Variants in PRMT3 observed in about 807,000 individuals in gnomAD.
PRMT3 encodes protein arginine N-methyltransferase 3.
In PRMT3, 62 loss-of-function variants were observed where a neutral mutation model predicts 71.9. The observed-to-expected ratio is 0.86, with a 90% CI of 0.70 to 1.07. The LOEUF is 1.07. Ranked by LOEUF, PRMT3 falls within the 50% of genes least tolerant of loss-of-function variation. PRMT3 has a pLI of 0.00. For missense variants in PRMT3, 663 were observed against 643.0 expected (o/e 1.03, Z -0.34); for synonymous variants, 213 against 220.4 (o/e 0.97, Z 0.30).
chr11:20,433,707 A>C (rs1306052766), intron 10 of PRMT3, among the ~76,000 whole-genome samples: 2 of 151,330 alleles, frequency 1.3e-5, no homozygotes, highest in African/African-American at 4.9e-5. Flanking sequence ...TGCAACCTCC[A>C]CCCCCCAGGT....
chr11:20,496,110 T>C (rs1370638139), intron 15 of PRMT3, among the ~76,000 whole-genome samples: 4 of 152,166 alleles, frequency 2.6e-5, no homozygotes, highest in Non-Finnish European at 5.9e-5. Context: ...CCACAACATA[T>C]GTAAAAATCT....
intron 7 of PRMT3, among the ~76,000 whole-genome samples, chr11:20,398,602 G>T (rs187196546): frequency 2.6e-5 from 4 of 152,134 alleles, no homozygotes; most frequent in Admixed American, 6.5e-5. Context: ...ACAGGTGCCC[G>T]CCACGGCGCC....
chr11:20,452,073 C>A, intron 10 of PRMT3, 57 bp from the exon 11 acceptor site: 1 of 1,230,684 alleles, frequency 8.1e-7, no homozygotes, highest in Non-Finnish European at 1.2e-6. Context: ...TTAAATTGAC[C>A]TGCTTATGAG....
chr11:20,472,284 C>G (rs908112147), intron 13 of PRMT3, among the ~76,000 whole-genome samples: 2 of 152,188 alleles, frequency 1.3e-5, no homozygotes, highest in Non-Finnish European at 2.9e-5. Context: ...TGCCTGTTTT[C>G]AAGGGGAATG....
At position 20,395,736 on chromosome 11, in the gene PRMT3, C is replaced by T; in HGVS notation, c.401-67C>T. 4.8e-6 allele frequency: 7 copies of T among 1,466,890 alleles called. No homozygotes were observed. The South Asian group carries it at 9.0e-5, about 19-fold the overall frequency. 90.9% of individuals were successfully genotyped at this position (1,466,890 alleles called of 1,614,324 possible). A position where few individuals can be genotyped will look rare whatever the true frequency, so the allele number is the denominator to read the frequency against. ...GTAGAAACTTAGGGCGTATTTATTCCTAACATATTTATACTTGTTTTATTG... is the reference window on the plus strand; with the variant it reads ...GTAGAAACTTAGGGCGTATTTATTCTTAACATATTTATACTTGTTTTATTG... On this transcript the variant is annotated intron_variant, in intron 5 of 15. Coordinates refer to ENST00000331079, the MANE Select transcript of PRMT3 (RefSeq NM_005788.4).
chr11:20,418,374 G>A (rs1327954173), intron 9 of PRMT3, among the ~76,000 whole-genome samples: 1 of 152,136 alleles, frequency 6.6e-6, no homozygotes, highest in Non-Finnish European at 1.5e-5. Flanking sequence ...ACAGTCTCAT[G>A]AAAGAGGTTT....
At chr11:20,476,705 TTTTA>T (rs1258711850) in intron 13 of PRMT3, among the ~76,000 whole-genome samples, 1 of 152,170 alleles carries the variant, frequency 6.6e-6, no homozygotes, top group African/African-American at 2.4e-5. Flanking sequence ...CAATAAATAT[TTTTA>T]TTTCAGATAT....
intron 5 of PRMT3, chr11:20,393,826 A>G (rs1387568974): frequency 6.6e-6 from 1 of 152,248 alleles, no homozygotes; most frequent in Admixed American, 6.5e-5. Context: ...AACAGTTTGA[A>G]GAATTTTGAA....
In PRMT3 at chr11:20,388,012, G is replaced by A. The variant is rs1848634483; in HGVS notation, c.29-7G>A. ...AGGCCGATCTGATTGTTGTGTGTGT[G>A]TGTTAGGCGGCCGGGGCGCTGTGGA... On this transcript the variant is annotated splice_polypyrimidine_tract_variant and splice_region_variant and intron_variant, in intron 1 of 15. Transcript: ENST00000331079. 1 of 1,613,860 alleles carries A rather than the reference G, an allele frequency of 6.2e-7. No homozygotes were observed. Among genetic ancestry groups the A allele is most frequent in the East Asian group, 2.2e-5 (1 of 44,860 alleles).
At chr11:20,433,234 G>A (rs1849691725) in intron 10 of PRMT3, among the ~76,000 whole-genome samples, 1 of 151,962 alleles carries the variant, frequency 6.6e-6, no homozygotes, top group Non-Finnish European at 1.5e-5. Context: ...AGGCCCCAGT[G>A]TCTGTTGTTC....
At chr11:20,471,772 A>G (rs1850651134) in intron 13 of PRMT3, among the ~76,000 whole-genome samples, 1 of 152,186 alleles carries the variant, frequency 6.6e-6, no homozygotes, top group South Asian at 2.1e-4. Context: ...ATAGCATTGA[A>G]TCTATACATT....
At chr11:20,416,264 A>G (rs77344984) in intron 9 of PRMT3, among the ~76,000 whole-genome samples, 1 of 152,000 alleles carries the variant, frequency 6.6e-6, no homozygotes. Flanking sequence ...GGGTGGGGGG[A>G]AGATATGTTT....
intron 4 of PRMT3, 81 bp downstream of exon 4, chr11:20,392,341 AAG>A: frequency 7.2e-7 from 1 of 1,385,758 alleles, no homozygotes; most frequent in Non-Finnish European, 9.7e-7. Flanking sequence ...GATTATTTAA[AAG>A]AATATGAGGA....
At chr11:20,392,873 A>G in intron 4 of PRMT3, 24 bp from the exon 5 acceptor site, 1 of 1,415,288 alleles carries the variant, frequency 7.1e-7, no homozygotes, top group Non-Finnish European at 9.9e-7. Context: ...AATGAAAAAA[A>G]CATGAGATTA....
At chr11:20,444,149 A>G (rs1356405781) in intron 10 of PRMT3, among the ~76,000 whole-genome samples, 1 of 152,182 alleles carries the variant, frequency 6.6e-6, no homozygotes, top group Non-Finnish European at 1.5e-5. Flanking sequence ...TGATATACAG[A>G]TATTATAAAT....
At chr11:20,440,803 A>G (rs902696308) in intron 10 of PRMT3, among the ~76,000 whole-genome samples, 1 of 152,164 alleles carries the variant, frequency 6.6e-6, no homozygotes, top group Non-Finnish European at 1.5e-5. Context: ...AGTTCTTTTT[A>G]CTAATCCTTT....
intron 13 of PRMT3, among the ~76,000 whole-genome samples, chr11:20,472,286 A>AG (rs1193360886): frequency 6.6e-6 from 1 of 152,170 alleles, no homozygotes; most frequent in Non-Finnish European, 1.5e-5. Context: ...CCTGTTTTCA[A>AG]GGGGAATGCT....
intron 13 of PRMT3, among the ~76,000 whole-genome samples, chr11:20,473,028 A>G (rs993944330): frequency 1.3e-5 from 2 of 152,030 alleles, no homozygotes; most frequent in African/African-American, 4.8e-5. Flanking sequence ...TCTAGTTTAT[A>G]TACAGGTTTT....
chr11:20,395,873 T>A lies in PRMT3; in HGVS notation c.471T>A (p.Ser157=), dbSNP rs1436529600. The A allele has an allele frequency of 6.2e-7, 1 of 1,614,190 alleles. No homozygotes were observed. The change falls in exon 6 of 16, where the codon TCT becomes TCA. Residue 157 remains serine, a synonymous_variant. Coordinates refer to ENST00000331079, the MANE Select transcript of PRMT3 (RefSeq NM_005788.4). ...SYPNGLSENT[S]VVEKLKHMEA... ...CCAATGGACTCAGTGAAAATACATCTGTTGTTGAAAAATTGAAACATATGG... is the reference window on the plus strand; with the variant it reads ...CCAATGGACTCAGTGAAAATACATCAGTTGTTGAAAAATTGAAACATATGG...
Sources: allele counts gnomAD v4.1 joint callset (sites outside exome capture counted in the v4.1 genomes callset), GRCh38; gene constraint gnomAD v4.1.1; transcripts MANE v1.5; gene names NCBI Gene and HGNC (gene_info 2026-07-23, HGNC 2026-07-21).